NDRG3: variants seen among roughly 807,000 people sequenced by gnomAD.
The protein encoded by NDRG3 is protein NDRG3.
A neutral mutation model predicts 57.2 loss-of-function variants in NDRG3; 23 were observed. The ratio of observed to expected loss-of-function variants is 0.40; its 90% CI spans 0.29 to 0.57. The LOEUF (loss-of-function observed/expected upper bound fraction) is 0.57, where lower values mean the gene tolerates loss of function less well. Among genes scored for constraint, NDRG3 ranks in the 20% least tolerant of loss-of-function variants. NDRG3 has a pLI of 0.42. For missense variants in NDRG3, 384 were observed against 457.3 expected, an observed-to-expected ratio of 0.84 and a Z score of 1.46; for synonymous variants, 132 against 162.6, an observed-to-expected ratio of 0.81 and a Z score of 1.43.
intron 1 of NDRG3, among the ~76,000 whole-genome samples, chr20:36,723,440 G>C (rs1248282762): frequency 6.6e-6 from 1 of 151,986 alleles, no homozygotes; most frequent in Non-Finnish European, 1.5e-5. Context: ...TATCAAGTCA[G>C]GAAAAATGTT....
At chr20:36,702,747 G>A (rs1019167249) in intron 3 of NDRG3, among the ~76,000 whole-genome samples, 2 of 151,250 alleles carry the variant, frequency 1.3e-5, no homozygotes, top group African/African-American at 4.9e-5. Context: ...GGAGTGCAAT[G>A]GTGCGATCTC....
At position 36,652,617 on chromosome 20, in the gene NDRG3, T is replaced by C. The variant is rs1978325085; in HGVS notation, c.*903A>G. The C allele has an allele frequency of 2.6e-5, 4 of 152,076 alleles. No individual in the cohort carries two copies. In the South Asian group the frequency reaches 8.3e-4, roughly 32 times the overall value. The allele number at this position is 152,076 out of a possible 1,614,324, so 9.4% of individuals were successfully genotyped here. On this transcript the variant is annotated 3_prime_UTR_variant, in exon 16 of 16. Coordinates refer to ENST00000349004, the MANE Select transcript of NDRG3 (RefSeq NM_032013.4). ...AACTGAGGAATGGAGACACACTCTC[T>C]GTCACAGACCTAAGAGGCACTTCTT... is the stretch of plus-strand genomic sequence containing the variant.
At chr20:36,654,763 AC>A (rs758353244) in intron 15 of NDRG3, 1 of 779,590 alleles carries the variant, frequency 1.3e-6, no homozygotes, top group South Asian at 1.3e-5. Flanking sequence ...GCCAGGAGAG[AC>A]TGGAAGGCGG....
chr20:36,660,591 C>T (rs1483473767), intron 12 of NDRG3, among the ~76,000 whole-genome samples: 4 of 148,948 alleles, frequency 2.7e-5, no homozygotes, highest in East Asian at 1.9e-4. Flanking sequence ...GACGGAGTCT[C>T]GCTCTGTCGC....
intron 3 of NDRG3, among the ~76,000 whole-genome samples, chr20:36,693,101 AAAAAATATATATATATATAT>A (rs1982423105): frequency 2.1e-5 from 1 of 48,598 alleles, no homozygotes; most frequent in Non-Finnish European, 3.6e-5. Flanking sequence ...AAAAAAAAAA[AAAAAATATATATATATATAT>A]ATATATATAT....
chr20:36,656,132 CAAAAAAAAAAA>C (rs1180409064), intron 15 of NDRG3, among the ~76,000 whole-genome samples: 1 of 49,254 alleles, frequency 2.0e-5, no homozygotes, highest in Admixed American at 2.0e-4. Context: ...GACTCTGTCT[CAAAAAAAAAAA>C]AAAAAAAAAA....
intron 1 of NDRG3, among the ~76,000 whole-genome samples, chr20:36,739,915 A>T (rs1484330111): frequency 6.6e-6 from 1 of 150,744 alleles, no homozygotes; most frequent in Non-Finnish European, 1.5e-5. Context: ...GTCTCAAAAA[A>T]AAAAAAAAAA....
intron 1 of NDRG3, among the ~76,000 whole-genome samples, chr20:36,726,905 T>G (rs1984966646): frequency 7.0e-6 from 1 of 142,772 alleles, no homozygotes; most frequent in African/African-American, 2.5e-5. Context: ...CTGGTAGATA[T>G]CTTTCTTTCT....
chr20:36,678,953 T>C (rs909716089), intron 8 of NDRG3, among the ~76,000 whole-genome samples: 1 of 152,234 alleles, frequency 6.6e-6, no homozygotes, highest in Non-Finnish European at 1.5e-5. Flanking sequence ...ACTTTATTTT[T>C]ATTTTTGTTT....
In NDRG3 at chr20:36,653,311, GT is replaced by G. The variant is rs1978366055; in HGVS notation, c.*208del. 5 of 521,458 alleles carry G rather than the reference GT, an allele frequency of 9.6e-6. No homozygotes were observed. In the Admixed American group the frequency reaches 1.7e-4, roughly 18 times the overall value. 32.3% of individuals were successfully genotyped at this position (521,458 alleles called of 1,614,324 possible). A position where few individuals can be genotyped will look rare whatever the true frequency, so the allele number is the denominator to read the frequency against. ...TCTGATCAGCTAAAGATGTTGGAAT[GT>G]TACAGTATGGCATGGAAGTGGTTCT... On this transcript the variant is annotated 3_prime_UTR_variant, in exon 16 of 16. Coordinates refer to ENST00000349004, the MANE Select transcript of NDRG3 (RefSeq NM_032013.4). The surrounding 1 kb of genome is among the most constrained non-coding windows in gnomAD (Gnocchi z 4.2).
chr20:36,703,244 T>C (rs1983349325), intron 3 of NDRG3, among the ~76,000 whole-genome samples: 1 of 152,150 alleles, frequency 6.6e-6, no homozygotes, highest in South Asian at 2.1e-4. Context: ...CGTGTATATA[T>C]GTATATCATA....
At chr20:36,736,845 A>C (rs1159010428) in intron 1 of NDRG3, among the ~76,000 whole-genome samples, 1 of 152,116 alleles carries the variant, frequency 6.6e-6, no homozygotes, top group Non-Finnish European at 1.5e-5. Context: ...CTATCTCCAT[A>C]AGCTAAGGGG....
At chr20:36,722,432 G>A (rs1332744408) in intron 1 of NDRG3, among the ~76,000 whole-genome samples, 5 of 152,226 alleles carry the variant, frequency 3.3e-5, no homozygotes, top group Middle Eastern at 3.4e-3. Context: ...CTACATTTGC[G>A]GTAATATTTT....
chr20:36,719,329 A>T (rs997509778), intron 2 of NDRG3, among the ~76,000 whole-genome samples: 6 of 151,776 alleles, frequency 4.0e-5, no homozygotes, highest in African/African-American at 1.5e-4. Flanking sequence ...TGGGAGGCTG[A>T]AGCAGGAGAA....
At chr20:36,673,964 G>T (rs1245291578) in intron 8 of NDRG3, among the ~76,000 whole-genome samples, 1 of 151,830 alleles carries the variant, frequency 6.6e-6, no homozygotes, top group Non-Finnish European at 1.5e-5. Context: ...TTAGCTGGGC[G>T]TGGTGGCACG....
intron 3 of NDRG3, among the ~76,000 whole-genome samples, chr20:36,696,285 G>A (rs1982779082): frequency 6.6e-6 from 1 of 151,914 alleles, no homozygotes; most frequent in Admixed American, 6.6e-5. Flanking sequence ...TAATAGAGAT[G>A]GGGTTTCACC....
intron 5 of NDRG3, among the ~76,000 whole-genome samples, chr20:36,686,771 T>G (rs527808314): frequency 1.3e-5 from 2 of 152,176 alleles, no homozygotes; most frequent in Non-Finnish European, 2.9e-5. Flanking sequence ...CATTACTAGT[T>G]TGAGAGCTAA....
In NDRG3 at chr20:36,731,647, A is replaced by C. The variant is rs182507708; in HGVS notation, c.-48-9864T>G. ...ATGGTGAAACCCTGTCTCTACTAAA[A>C]AAATACAAAAAAATTAGCTGGGCAT... On this transcript the variant is annotated intron_variant, in intron 1 of 15. Transcript: ENST00000349004. 9.9e-5 allele frequency among the ~76,000 whole-genome samples: 15 copies of C among 152,070 alleles called. No individual in the cohort carries two copies. In the East Asian group the frequency reaches 2.9e-3, roughly 29 times the overall value.
intron 3 of NDRG3, among the ~76,000 whole-genome samples, chr20:36,702,506 T>C (rs1983301220): frequency 6.6e-6 from 1 of 151,972 alleles, no homozygotes; most frequent in African/African-American, 2.4e-5. Context: ...CTGGGTATAG[T>C]TTTTGTTATA....
Sources: allele counts gnomAD v4.1 joint callset (sites outside exome capture counted in the v4.1 genomes callset), GRCh38; gene constraint gnomAD v4.1.1; non-coding constraint Gnocchi (gnomAD v3.1); transcripts MANE v1.5; gene names NCBI Gene and HGNC (gene_info 2026-07-23, HGNC 2026-07-21).